TENM2: variants seen among roughly 807,000 people sequenced by gnomAD.
The protein encoded by TENM2 is teneurin-2.
Under a neutral mutation model 245.2 loss-of-function variants are expected in TENM2, and 52 were observed. The ratio of observed to expected loss-of-function variants is 0.21; its 90% CI spans 0.17 to 0.27. The LOEUF is 0.27. TENM2 is among the 10% of genes least tolerant of loss of function. The pLI, the probability that TENM2 is intolerant of heterozygous loss-of-function variation, is 1.00. For synonymous variants in TENM2, 1,363 were observed against 1,438.9 expected (o/e 0.95, Z 1.19); for missense variants, 3,046 against 3,666.8 (o/e 0.83, Z 4.37).
the TENM2 span, among the ~76,000 whole-genome samples, chr5:167,268,867 A>AAGATGCATAGAT: frequency 2.4e-5 from 3 of 126,914 alleles, no homozygotes; most frequent in East Asian, 7.4e-4. Context: ...TCCTTTCCAA[A>AAGATGCATAGAT]AGATACATAG....
At chr5:167,759,350 C>T (rs1762512160) in intron 2 of TENM2, among the ~76,000 whole-genome samples, 1 of 152,020 alleles carries the variant, frequency 6.6e-6, no homozygotes, top group South Asian at 2.1e-4. Flanking sequence ...ATGGTAAGTG[C>T]TCCATAAATG....
At chr5:168,118,563 G>A (rs1795255734) in intron 10 of TENM2, 77 bp downstream of exon 12, 1 of 1,138,478 alleles carries the variant, frequency 8.8e-7, no homozygotes, top group South Asian at 2.8e-5. Flanking sequence ...AATGAGCCCA[G>A]TCCTGGGCTG....
chr5:167,952,944 A>C, intron 4 of TENM2, 122 bp downstream of exon 6: 1 of 774,478 alleles, frequency 1.3e-6, no homozygotes, highest in Non-Finnish European at 2.1e-6. Flanking sequence ...AAATAATGAG[A>C]CAAGTTTACC....
At chr5:167,347,419 C>T (rs1206551625) in intron 1 of TENM2, among the ~76,000 whole-genome samples, 1 of 152,174 alleles carries the variant, frequency 6.6e-6, no homozygotes, top group Non-Finnish European at 1.5e-5. Flanking sequence ...CCAACAGCTT[C>T]CTTATCGATA....
intron 2 of TENM2, among the ~76,000 whole-genome samples, chr5:167,584,120 A>G (rs757324314): frequency 8.5e-5 from 13 of 152,222 alleles, no homozygotes; most frequent in East Asian, 3.9e-4. Flanking sequence ...TCCTGACTAC[A>G]AGTCATTCAT....
At chr5:167,267,412 T>C in the TENM2 span, among the ~76,000 whole-genome samples, 1 of 152,170 alleles carries the variant, frequency 6.6e-6, no homozygotes, top group Non-Finnish European at 1.5e-5. Flanking sequence ...TCAAAGGTAA[T>C]GAAGAAGCCA....
At chr5:167,851,463 G>A (rs1172748856) in intron 2 of TENM2, among the ~76,000 whole-genome samples, 6 of 152,236 alleles carry the variant, frequency 3.9e-5, no homozygotes, top group Middle Eastern at 3.4e-3. Context: ...TTTGGTAAGG[G>A]GAGAAAGAGC....
upstream of TENM2, among the ~76,000 whole-genome samples, chr5:167,282,852 A>AGCAAAAACTGACAT (rs1771135457): frequency 6.6e-6 from 1 of 152,142 alleles, no homozygotes; most frequent in Non-Finnish European, 1.5e-5. Context: ...ACTATGCCAC[A>AGCAAAAACTGACAT]GCAAAAACTG....
intron 3 of TENM2, among the ~76,000 whole-genome samples, chr5:167,892,253 A>G (rs1774820454): frequency 6.6e-6 from 1 of 152,252 alleles, no homozygotes; most frequent in Non-Finnish European, 1.5e-5. Context: ...TCTGTAGCAC[A>G]TAGGTTCTTA....
intron 1 of TENM2, among the ~76,000 whole-genome samples, chr5:167,324,816 C>T (rs1266727505): frequency 6.6e-6 from 1 of 151,838 alleles, no homozygotes; most frequent in East Asian, 1.9e-4. Context: ...ATGAAGATTA[C>T]TGAAATGATT....
chr5:167,212,661 A>G, the TENM2 span, among the ~76,000 whole-genome samples: 1 of 152,220 alleles, frequency 6.6e-6, no homozygotes, highest in East Asian at 1.9e-4. Flanking sequence ...ATACAAAGGT[A>G]AACTTAACTG....
At chr5:167,818,705 T>C (rs1767262119) in intron 2 of TENM2, among the ~76,000 whole-genome samples, 1 of 152,210 alleles carries the variant, frequency 6.6e-6, no homozygotes, top group South Asian at 2.1e-4. Context: ...GAGTTGATTA[T>C]GACTTAGTTA....
At chr5:168,003,264 T>C (rs1275302052) in intron 5 of TENM2, among the ~76,000 whole-genome samples, 1 of 151,206 alleles carries the variant, frequency 6.6e-6, no homozygotes, top group Non-Finnish European at 1.5e-5. Flanking sequence ...AATGATGACA[T>C]TATCTTTTCC....
In TENM2 at chr5:168,238,180, AGAGAGGGAGG is replaced by A. The variant is rs777365377; in HGVS notation, c.5521-6236_5521-6227del. ...GAAAGAGAGAGAGAGAGAGAGAGAG[AGAGAGGGAGG>A]GAGGGAGGGAGGGAGGGAGGGAGGG... is the stretch of plus-strand genomic sequence containing the variant. On this transcript the variant is annotated intron_variant, in intron 25 of 28. Transcript: ENST00000518659. 0.012 allele frequency among the ~76,000 whole-genome samples: 753 copies of A among 61,530 alleles called. 118 individuals are homozygous for A. In the East Asian group the frequency reaches 0.22, roughly 18 times the overall value. 40.4% of individuals were successfully genotyped at this position (61,530 alleles called of 152,430 possible).
At chr5:167,021,192 A>C in the TENM2 span, among the ~76,000 whole-genome samples, 3 of 152,230 alleles carry the variant, frequency 2.0e-5, no homozygotes, top group African/African-American at 7.2e-5. Flanking sequence ...TTTAAGATGC[A>C]AAAGTGGCCT....
At chr5:167,424,477 C>T (rs1763693786) in intron 2 of TENM2, among the ~76,000 whole-genome samples, 1 of 152,108 alleles carries the variant, frequency 6.6e-6, no homozygotes. Context: ...TATAATAAAA[C>T]TAAGGTTATT....
chr5:167,334,902 A>T (rs1444829602), intron 1 of TENM2, among the ~76,000 whole-genome samples: 1 of 152,224 alleles, frequency 6.6e-6, no homozygotes, highest in African/African-American at 2.4e-5. Context: ...AAGTTGACAG[A>T]ATCGTTGATG....
chr5:166,997,834 C>A, the TENM2 span, among the ~76,000 whole-genome samples: 5 of 152,078 alleles, frequency 3.3e-5, no homozygotes, highest in Admixed American at 3.3e-4. Context: ...CTAATTTCAG[C>A]ACTGAGGTAG....
the TENM2 span, among the ~76,000 whole-genome samples, chr5:167,064,577 A>G: frequency 1.3e-5 from 2 of 152,172 alleles, no homozygotes; most frequent in African/African-American, 4.8e-5. Context: ...GCCCTTTACA[A>G]AAGTCGTTGC....
Sources: allele counts gnomAD v4.1 joint callset (sites outside exome capture counted in the v4.1 genomes callset), GRCh38; gene constraint gnomAD v4.1.1; transcripts MANE v1.5; gene names NCBI Gene and HGNC (gene_info 2026-07-23, HGNC 2026-07-21).